Variants in HERC2 observed in about 807,000 individuals in gnomAD.
HERC2 encodes E3 ubiquitin-protein ligase HERC2.
HERC2 carries 102 observed loss-of-function variants against 537.7 expected under a neutral mutation model. That is an observed-to-expected ratio of 0.19 (90% CI 0.16 to 0.22). The LOEUF is 0.22. Ranked by LOEUF, HERC2 falls within the 10% of genes least tolerant of loss-of-function variation. The pLI is 1.00. For synonymous variants in HERC2, 2,224 were observed against 2,466.2 expected (o/e 0.90, Z 2.91); for missense variants, 4,236 against 6,198.2 (o/e 0.68, Z 10.63).
intron 2 of HERC2, among the ~76,000 whole-genome samples, chr15:28,319,791 T>C: frequency 6.6e-6 from 1 of 152,258 alleles, no homozygotes; most frequent in East Asian, 1.9e-4. Context: ...AGAACTCATG[T>C]TTAGCAGTTA....
intron 4 of HERC2, among the ~76,000 whole-genome samples, chr15:28,282,802 G>A (rs2076053064): frequency 1.3e-5 from 2 of 151,862 alleles, no homozygotes; most frequent in South Asian, 4.2e-4. Context: ...CATGGTGGCG[G>A]GCACCTATAA....
chr15:28,166,723 A>G (rs944094313), intron 68 of HERC2, among the ~76,000 whole-genome samples: 1 of 151,634 alleles, frequency 6.6e-6, no homozygotes, highest in Non-Finnish European at 1.5e-5. Context: ...GGGAGTCCCA[A>G]TGACCGGGTC....
Position 28,278,119 on chromosome 15 carries a change from A to G in HERC2, c.542+1949T>C, listed in dbSNP as rs960713770. On this transcript the variant is annotated intron_variant, in intron 5 of 92. Transcript: ENST00000261609. The stretch of plus-strand genomic sequence containing the variant: ...AATTAAAAAAAAAAAAAAATTGGCC[A>G]GGTATGGTGGCTCATGCTTGTAATC... Among the ~76,000 whole-genome samples, 13 of 151,924 alleles carry G rather than the reference A, an allele frequency of 8.6e-5. 1 individual carries two copies. In the Middle Eastern group the frequency reaches 0.014, roughly 160 times the overall value.
intron 65 of HERC2, among the ~76,000 whole-genome samples, chr15:28,173,054 C>T (rs1306916206): frequency 6.6e-6 from 1 of 152,172 alleles, no homozygotes; most frequent in African/African-American, 2.4e-5. Flanking sequence ...TGAGATACCA[C>T]CATACGTCTA....
intron 16 of HERC2, among the ~76,000 whole-genome samples, chr15:28,257,669 G>C (rs868576917): frequency 6.6e-6 from 1 of 152,068 alleles, no homozygotes; most frequent in Non-Finnish European, 1.5e-5. Flanking sequence ...AAGGATCTAA[G>C]AGAACGGTGG....
intron 68 of HERC2, among the ~76,000 whole-genome samples, chr15:28,166,021 G>A (rs7177047): frequency 0.024 from 3,619 of 152,218 alleles, 131 homozygotes; most frequent in African/African-American, 0.083. Context: ...ATTTTGTGTT[G>A]TGCCAAAAAG....
At chr15:28,248,918 G>A (rs1257669912) in intron 20 of HERC2, among the ~76,000 whole-genome samples, 182 bp from the exon 21 acceptor site, 1 of 152,144 alleles carries the variant, frequency 6.6e-6, no homozygotes, top group African/African-American at 2.4e-5. Context: ...CAGCCAAAAC[G>A]GAGCAGAAGG....
chr15:28,194,600 A>C (rs906612532), intron 52 of HERC2, among the ~76,000 whole-genome samples: 2 of 151,222 alleles, frequency 1.3e-5, no homozygotes, highest in African/African-American at 4.9e-5. Context: ...CAAAACAAAA[A>C]AACAGGCATG....
chr15:28,301,779 A>G (rs1387040869), intron 2 of HERC2, among the ~76,000 whole-genome samples: 4 of 88,424 alleles, frequency 4.5e-5, no homozygotes, highest in South Asian at 4.2e-4. Context: ...ATATATATAT[A>G]TGGGTTATAT....
At chr15:28,305,186 G>A (rs1165447609) in intron 2 of HERC2, among the ~76,000 whole-genome samples, 3 of 147,772 alleles carry the variant, frequency 2.0e-5, no homozygotes, top group Non-Finnish European at 4.5e-5. Flanking sequence ...ACGTGTGCAT[G>A]TGTCTTTATA....
chr15:28,306,142 G>T (rs1407770078), intron 2 of HERC2, among the ~76,000 whole-genome samples: 5 of 152,194 alleles, frequency 3.3e-5, no homozygotes, highest in African/African-American at 1.2e-4. Flanking sequence ...TCCGTGTCTT[G>T]TTCCAGATCT....
In HERC2 at chr15:28,229,523, G is replaced by A. The variant is rs761035887; in HGVS notation, c.5057C>T (p.Pro1686Leu). 8 of 1,613,788 alleles carry A rather than the reference G, an allele frequency of 5.0e-6. No individual in the cohort carries two copies. In the East Asian group the frequency reaches 6.7e-5, roughly 13 times the overall value. The change falls in exon 33 of 93, where the codon CCA (proline) becomes CTA (leucine). Residue 1686 changes from proline to leucine, a missense_variant. By Grantham distance (98) the Pro-to-Leu change is moderately conservative. Around this residue, in one of 27 missense-constraint regions of HERC2, gnomAD observed 343 missense variants for 417.2 expected, o/e 0.82. Coordinates refer to ENST00000261609, the MANE Select transcript of HERC2 (RefSeq NM_004667.6). ...LKLASKNFLL[P>L]SVQYAMFCGW... ...ACAAAACATCGCATACTGCACAGAT[G>A]GAAGTAAGAAATTCTTGCTCGCCAG...
chr15:28,236,929 T>C (rs754267049), intron 26 of HERC2, 34 bp downstream of exon 26: 2 of 1,604,764 alleles, frequency 1.2e-6, no homozygotes, highest in Non-Finnish European at 1.7e-6. Context: ...AAAAAAATAA[T>C]CTGCTGATCA....
intron 34 of HERC2, 111 bp downstream of exon 34, chr15:28,229,084 T>C (rs1275353508): frequency 2.9e-6 from 3 of 1,024,052 alleles, no homozygotes; most frequent in Non-Finnish European, 4.6e-6. Context: ...AAGTACAAAG[T>C]ACAAACTTTA....
chr15:28,193,728 T>TA (rs1242550864), intron 52 of HERC2, among the ~76,000 whole-genome samples: 2 of 152,122 alleles, frequency 1.3e-5, no homozygotes, highest in Non-Finnish European at 2.9e-5. Context: ...GAACCACAAT[T>TA]AGACTTCCAT....
At chr15:28,236,528 T>A (rs1596301302) in intron 26 of HERC2, among the ~76,000 whole-genome samples, 1 of 151,702 alleles carries the variant, frequency 6.6e-6, no homozygotes, top group African/African-American at 2.4e-5. Context: ...TGACCTCAGG[T>A]GATCCACCCG....
rs796755879 is a variant in HERC2, at chr15:28,205,066, G to A, written c.7212+1174C>T. 2.0e-5 allele frequency among the ~76,000 whole-genome samples: 3 copies of A among 152,144 alleles called. No individual in the cohort carries two copies. In the South Asian group the frequency reaches 6.2e-4, roughly 32 times the overall value. ...TGCCACCATTGTATACATGAGCCCA[G>A]CTTAGGGAAACTGCAGAAAACCAAA... On this transcript the variant is annotated intron_variant, in intron 45 of 92. Coordinates refer to ENST00000261609, the MANE Select transcript of HERC2 (RefSeq NM_004667.6).
chr15:28,132,972 A>C (rs946735155), intron 79 of HERC2, 142 bp from the exon 80 acceptor site: 3 of 664,594 alleles, frequency 4.5e-6, no homozygotes, highest in Non-Finnish European at 6.9e-6. Flanking sequence ...CCTAAACTCA[A>C]AAGTTCACCA....
chr15:28,249,657 C>CT (rs1239758916), intron 20 of HERC2, among the ~76,000 whole-genome samples: 16 of 151,616 alleles, frequency 1.1e-4, no homozygotes, highest in Admixed American at 5.3e-4. Flanking sequence ...GAAAGTAACT[C>CT]TTTTTTTTGA....
Sources: allele counts gnomAD v4.1 joint callset (sites outside exome capture counted in the v4.1 genomes callset), GRCh38; gene constraint gnomAD v4.1.1; regional missense constraint gnomAD v4.1.1; transcripts MANE v1.5; gene names NCBI Gene and HGNC (gene_info 2026-07-23, HGNC 2026-07-21).